The following PDZD2 variants were observed in gnomAD, a reference collection of about 807,000 sequenced individuals.
PDZD2 encodes PDZ domain-containing protein 2.
In PDZD2, 90 loss-of-function variants were observed where a neutral mutation model predicts 220.7. The observed-to-expected ratio is 0.41, with a 90% CI of 0.34 to 0.49. The LOEUF (loss-of-function observed/expected upper bound fraction) is 0.49, where lower values mean the gene tolerates loss of function less well. Ranked by LOEUF, PDZD2 falls within the 20% of genes least tolerant of loss-of-function variation. The pLI is 0.28. For missense variants in PDZD2, 3,174 were observed against 3,608.5 expected, an observed-to-expected ratio of 0.88 and a Z score of 3.08; for synonymous variants, 1,375 against 1,450.5, an observed-to-expected ratio of 0.95 and a Z score of 1.18.
intron 22 of PDZD2, 57 bp downstream of exon 22, chr5:32,097,437 T>C (rs1581491734): frequency 4.8e-6 from 5 of 1,033,212 alleles, no homozygotes; most frequent in African/African-American, 4.7e-5. Flanking sequence ...AGCCTCAGAA[T>C]GTGATCAGGG....
chr5:31,678,672 G>A (rs1415351792), intron 1 of PDZD2, among the ~76,000 whole-genome samples: 1 of 152,198 alleles, frequency 6.6e-6, no homozygotes, highest in African/African-American at 2.4e-5. Context: ...TTGGAGTACA[G>A]TGGCACAATC....
intron 1 of PDZD2, among the ~76,000 whole-genome samples, chr5:31,672,865 T>A (rs1342647126): frequency 6.6e-6 from 1 of 152,160 alleles, no homozygotes; most frequent in African/African-American, 2.4e-5. Context: ...GAGCGGGGGC[T>A]CCCTTTACAT....
At chr5:31,896,352 GTGTGTGTGTGTGTGTA>G (rs1252028027) in intron 2 of PDZD2, among the ~76,000 whole-genome samples, 2 of 150,494 alleles carry the variant, frequency 1.3e-5, no homozygotes, top group South Asian at 2.1e-4. Flanking sequence ...GTGTGTGTGT[GTGTGTGTGTGTGTGTA>G]TGTGTGTGTG....
chr5:31,712,258 A>T (rs1748156292), intron 1 of PDZD2, among the ~76,000 whole-genome samples: 1 of 152,138 alleles, frequency 6.6e-6, no homozygotes, highest in East Asian at 1.9e-4. Flanking sequence ...TTTATTGCTT[A>T]TGATTATTTG....
intron 3 of PDZD2, among the ~76,000 whole-genome samples, chr5:31,986,856 A>G (rs1332585016): frequency 1.3e-5 from 2 of 152,260 alleles, no homozygotes; most frequent in African/African-American, 4.8e-5. Context: ...ATGTTACATT[A>G]AAATAAACCC....
intron 2 of PDZD2, among the ~76,000 whole-genome samples, chr5:31,977,121 GCT>G (rs1328278406): frequency 2.0e-5 from 3 of 151,600 alleles, no homozygotes; most frequent in Non-Finnish European, 4.4e-5. Context: ...GCCTCCAAAA[GCT>G]CTGAGATTGT....
chr5:32,045,922 A>G (rs1014592291), intron 7 of PDZD2, among the ~76,000 whole-genome samples: 14 of 152,148 alleles, frequency 9.2e-5, no homozygotes, highest in Admixed American at 7.9e-4. Context: ...TAAAACAATA[A>G]TCTTGTTTTA....
intron 1 of PDZD2, among the ~76,000 whole-genome samples, chr5:31,772,060 G>A (rs1338671862): frequency 6.6e-6 from 1 of 152,192 alleles, no homozygotes; most frequent in Non-Finnish European, 1.5e-5. Flanking sequence ...GATGGATATA[G>A]TGAGTTCTAA....
At chr5:31,870,161 C>A (rs1738653005) in intron 2 of PDZD2, among the ~76,000 whole-genome samples, 1 of 152,066 alleles carries the variant, frequency 6.6e-6, no homozygotes, top group Middle Eastern at 3.2e-3. Context: ...GAATTCTACT[C>A]AGGACTTAGT....
intron 2 of PDZD2, among the ~76,000 whole-genome samples, chr5:31,850,047 T>C (rs1167899147): frequency 7.8e-6 from 1 of 128,606 alleles, no homozygotes; most frequent in Non-Finnish European, 1.6e-5. Context: ...CGTATATATA[T>C]ATACGTGTAT....
chr5:32,061,082 A>G lies in PDZD2; in HGVS notation c.2399A>G (p.Lys800Arg), dbSNP rs1015724541. 6.2e-7 allele frequency: 1 copy of G among 1,614,116 alleles called. No homozygotes were observed. Residue 800 changes from lysine to arginine, a missense_variant, in exon 14 of 25, where the codon AAA (lysine) becomes AGA (arginine). Physicochemically the swap from Lys to Arg is conservative, Grantham distance 26. Around this residue, in one of 4 missense-constraint regions of PDZD2, gnomAD observed 1,861 missense variants for 2,001.0 expected, o/e 0.93. Transcript: ENST00000438447. ...ALSKVHAILS[K>R]CPPGPVRLVI... The stretch of plus-strand genomic sequence containing the variant: ...AGCAAAGTCCACGCCATCTTGAGTA[A>G]ATGCCCTCCAGGACCCGTTCGCCTT...
chr5:31,776,488 T>TCA (rs1752661237), intron 1 of PDZD2, among the ~76,000 whole-genome samples: 2 of 149,562 alleles, frequency 1.3e-5, no homozygotes, highest in Non-Finnish European at 3.0e-5. Context: ...ATTTATTTAT[T>TCA]TATTCATTTT....
intron 3 of PDZD2, among the ~76,000 whole-genome samples, chr5:31,991,849 T>C (rs1751240457): frequency 6.6e-6 from 1 of 152,068 alleles, no homozygotes; most frequent in South Asian, 2.1e-4. Flanking sequence ...GCCAATATGG[T>C]GAAACCTTGT....
intron 3 of PDZD2, among the ~76,000 whole-genome samples, chr5:31,985,776 T>C (rs1226034638): frequency 6.6e-6 from 1 of 151,958 alleles, no homozygotes; most frequent in Admixed American, 6.6e-5. Flanking sequence ...TAATAATAAA[T>C]TTAATTAAAA....
chr5:31,926,536 A>G (rs527300206), intron 2 of PDZD2, among the ~76,000 whole-genome samples: 3 of 151,656 alleles, frequency 2.0e-5, no homozygotes, highest in African/African-American at 4.8e-5. Context: ...GAAAAAAAAA[A>G]AAAAAAAAAG....
chr5:31,727,392 T>C (rs1247119254), intron 1 of PDZD2, among the ~76,000 whole-genome samples: 1 of 152,174 alleles, frequency 6.6e-6, no homozygotes, highest in Non-Finnish European at 1.5e-5. Context: ...AGCCTGCATA[T>C]AATGAAGCTG....
intron 1 of PDZD2, among the ~76,000 whole-genome samples, chr5:31,786,044 C>A (rs1384431371): frequency 6.6e-6 from 1 of 152,110 alleles, no homozygotes; most frequent in African/African-American, 2.4e-5. Context: ...TGAAAGAGGT[C>A]AGCTGAGGAT....
At chr5:31,965,897 C>T (rs1561210289) in intron 2 of PDZD2, among the ~76,000 whole-genome samples, 1 of 148,846 alleles carries the variant, frequency 6.7e-6, no homozygotes, top group Admixed American at 6.7e-5. Flanking sequence ...ACTCCGTCTC[C>T]AAAAAAAAAC....
intron 1 of PDZD2, among the ~76,000 whole-genome samples, chr5:31,793,766 C>T (rs1477976754): frequency 6.6e-6 from 1 of 152,192 alleles, no homozygotes; most frequent in Non-Finnish European, 1.5e-5. Flanking sequence ...CAGATCGCGC[C>T]ATTGCACTCC....
Sources: gnomAD v4.1 joint callset for allele counts (sites outside exome capture counted in the v4.1 genomes callset) on GRCh38, gnomAD v4.1.1 for gene constraint, gnomAD v4.1.1 regional missense constraint, MANE v1.5 for transcripts, NCBI Gene and HGNC (gene_info 2026-07-23, HGNC 2026-07-21) for gene names.